Variants in GABRP observed in about 807,000 individuals in gnomAD.
GABRP encodes gamma-aminobutyric acid type A receptor subunit pi.
GABRP carries 52 observed loss-of-function variants against 47.8 expected under a neutral mutation model. That is an observed-to-expected ratio of 1.09 (90% CI 0.87 to 1.37). The LOEUF (loss-of-function observed/expected upper bound fraction) is 1.37, where lower values mean the gene tolerates loss of function less well. GABRP is among the 40% of genes most tolerant of loss of function. The pLI is 0.00. For synonymous variants in GABRP, 221 were observed against 205.8 expected (o/e 1.07, Z -0.63); for missense variants, 525 against 542.8 (o/e 0.97, Z 0.33).
intron 1 of GABRP, among the ~76,000 whole-genome samples, chr5:170,787,536 C>G (rs2127249023): frequency 6.6e-6 from 1 of 152,296 alleles, no homozygotes; most frequent in South Asian, 2.1e-4. Context: ...GGGACAAGGT[C>G]TAGGAGGTCA....
intron 5 of GABRP, among the ~76,000 whole-genome samples, chr5:170,796,289 ATAAT>A (rs1443932577): frequency 6.6e-6 from 1 of 152,240 alleles, no homozygotes; most frequent in Non-Finnish European, 1.5e-5. Context: ...CTCATGAAAC[ATAAT>A]TAGACTTCTC....
At chr5:170,810,024 C>G (rs1333456890) in intron 9 of GABRP, 33 of 698,722 alleles carry the variant, frequency 4.7e-5, no homozygotes, top group Middle Eastern at 2.4e-4. Flanking sequence ...ATCACAACCA[C>G]AGGAGCAAGC....
chr5:170,809,918 GC>G, intron 9 of GABRP, 163 bp downstream of exon 9: 1 of 725,176 alleles, frequency 1.4e-6, no homozygotes, highest in Non-Finnish European at 2.5e-6. Context: ...AAGTCATGGT[GC>G]CCCTTGAAAA....
At chr5:170,809,816 C>T (rs1765836363) in intron 9 of GABRP, 61 bp downstream of exon 9, 1 of 1,502,040 alleles carries the variant, frequency 6.7e-7, no homozygotes, top group Non-Finnish European at 9.1e-7. Context: ...GATCTGTAGA[C>T]ATGGGCTGGA....
chr5:170,784,608 G>A (rs1765081506), intron 1 of GABRP, among the ~76,000 whole-genome samples: 1 of 152,192 alleles, frequency 6.6e-6, no homozygotes, highest in South Asian at 2.1e-4. Flanking sequence ...ACTCTGAGTG[G>A]CACCTGGGGT....
chr5:170,796,994 G>A (rs1765446662), intron 5 of GABRP, among the ~76,000 whole-genome samples: 1 of 152,316 alleles, frequency 6.6e-6, no homozygotes, highest in East Asian at 1.9e-4. Flanking sequence ...CCCATGAGGA[G>A]GCAGGGCCTC....
Position 170,809,771 on chromosome 5 carries a change from G to A in GABRP, c.1020+16G>A, listed in dbSNP as rs1043776008. 3 of 1,574,140 alleles carry A rather than the reference G, an allele frequency of 1.9e-6. No homozygotes were observed. The highest frequency in any genetic ancestry group is 2.7e-5 in the African/African-American group (2 of 74,080). On this transcript the variant is annotated intron_variant, in intron 9 of 9. Coordinates refer to ENST00000265294, the MANE Select transcript of GABRP (RefSeq NM_014211.3). The stretch of plus-strand genomic sequence containing the variant: ...CAAAGATAGGGTAAGAGTCTTGAGG[G>A]CCCTGTGTATGATCCATCACTGGTG...
At chr5:170,808,501 A>G (rs1355187668) in intron 7 of GABRP, 99 bp from the exon 8 acceptor site, 13 of 1,003,500 alleles carry the variant, frequency 1.3e-5, no homozygotes, top group African/African-American at 4.8e-5. Flanking sequence ...ATTTAGATCA[A>G]TGACAGAGGG....
At chr5:170,796,309 A>G (rs2127256558) in intron 5 of GABRP, among the ~76,000 whole-genome samples, 1 of 152,214 alleles carries the variant, frequency 6.6e-6, no homozygotes, top group Middle Eastern at 3.4e-3. Flanking sequence ...TTCTCTTTTG[A>G]CCTCAATTCC....
chr5:170,800,305 C>T (rs1765556466), intron 6 of GABRP, among the ~76,000 whole-genome samples: 1 of 152,210 alleles, frequency 6.6e-6, no homozygotes. Context: ...AAAGCTGAAA[C>T]TGGATCCCTT....
chr5:170,794,375 CAAAAAAAAAAA>C, intron 4 of GABRP, 77 bp downstream of exon 4: 1 of 257,928 alleles, frequency 3.9e-6, no homozygotes, highest in Non-Finnish European at 6.6e-6. Context: ...TCTAGCCGCT[CAAAAAAAAAAA>C]AAAAAAAAAA....
intron 3 of GABRP, among the ~76,000 whole-genome samples, chr5:170,792,132 CT>C (rs1487512982): frequency 1.3e-5 from 2 of 152,192 alleles, no homozygotes; most frequent in Non-Finnish European, 2.9e-5. Context: ...TCTAGTAGCT[CT>C]GTTTTACAGG....
Position 170,812,647 on chromosome 5 carries a change from G to GT in GABRP, c.*395dup, listed in dbSNP as rs1243749579. On this transcript the variant is annotated 3_prime_UTR_variant, in exon 10 of 10. Coordinates refer to ENST00000265294, the MANE Select transcript of GABRP (RefSeq NM_014211.3). ...AGTTGTTTCTAAAGTAACTATACAT[G>GT]TTTTTTACTAAATCTCTGCAGTGCT... 1.7e-5 allele frequency: 3 copies of GT among 174,102 alleles called. No individual in the cohort carries two copies. Among genetic ancestry groups the GT allele is most frequent in the East Asian group, 2.9e-4 (2 of 6,944 alleles). The allele number at this position is 174,102 out of a possible 1,614,324, so 10.8% of individuals were successfully genotyped here.
intron 6 of GABRP, among the ~76,000 whole-genome samples, chr5:170,804,589 T>G (rs1765679683): frequency 6.6e-6 from 1 of 152,190 alleles, no homozygotes; most frequent in African/African-American, 2.4e-5. Context: ...TTGATTTGCA[T>G]TTCCCTAATG....
At chr5:170,805,958 C>A in intron 7 of GABRP, 105 bp downstream of exon 7, 2 of 1,277,636 alleles carry the variant, frequency 1.6e-6, no homozygotes, top group Non-Finnish European at 2.2e-6. Flanking sequence ...CCTTGGGATG[C>A]AGTGGAGCGG....
At position 170,813,335 on chromosome 5, in the gene GABRP, C is replaced by A. The variant is rs573268224; in HGVS notation, c.*1077C>A. The A allele has an allele frequency of 1.3e-5, 2 of 152,324 alleles. No individual in the cohort carries two copies. The highest frequency in any genetic ancestry group is 2.9e-5 in the Non-Finnish European group (2 of 68,054). The allele number at this position is 152,324 out of a possible 1,614,324, so 9.4% of individuals were successfully genotyped here. ...ATCAGGAATGATGCTTATTAGAAAA[C>A]AAACTGCTTGACCCAGGAACAAGTG... On this transcript the variant is annotated 3_prime_UTR_variant, in exon 10 of 10. Coordinates refer to ENST00000265294, the MANE Select transcript of GABRP (RefSeq NM_014211.3).
Position 170,809,501 on chromosome 5 carries a change from C to T in GABRP, c.833-67C>T. 3 of 1,512,020 alleles carry T rather than the reference C, an allele frequency of 2.0e-6. No individual in the cohort carries two copies. The South Asian group carries it at 3.4e-5, about 17-fold the overall frequency. The allele number at this position is 1,512,020 out of a possible 1,614,324, so 93.7% of individuals were successfully genotyped here. A position where few individuals can be genotyped will look rare whatever the true frequency, so the allele number is the denominator to read the frequency against. On this transcript the variant is annotated intron_variant, in intron 8 of 9. Transcript: ENST00000265294. ...CCCTGCCAATTCTCAAATGGGGACA[C>T]TCTGCCAGGCTATGGTGGAGGACTA...
Position 170,812,143 on chromosome 5 carries a change from T to C in GABRP, c.1208T>C (p.Val403Ala), listed in dbSNP as rs1476118615. 1.2e-6 allele frequency: 2 copies of C among 1,614,154 alleles called. No homozygotes were observed. The highest frequency in any genetic ancestry group is 1.7e-6 in the Non-Finnish European group (2 of 1,179,998). The change falls in exon 10 of 10, where the codon GTT becomes GCT. Residue 403 changes from valine (V) to alanine (A), a missense_variant. By Grantham distance (64) the Val-to-Ala change is moderately conservative. Transcript: ENST00000265294. Reference sequence around the variant, plus strand: ...TTCCGAGAAAAGATGGGCAGGATTGTTGATTATTTCACAATTCAAAACCCC... The same window carrying C: ...TTCCGAGAAAAGATGGGCAGGATTGCTGATTATTTCACAATTCAAAACCCC... ...FVFREKMGRI[V>A]DYFTIQNPSN...
chr5:170,801,855 TGGG>T (rs11286876), intron 6 of GABRP, among the ~76,000 whole-genome samples: 11 of 142,308 alleles, frequency 7.7e-5, no homozygotes, highest in South Asian at 2.4e-4. Context: ...TGAAAAGTAA[TGGG>T]GGGGGGGTCA....
Sources: allele counts gnomAD v4.1 joint callset (sites outside exome capture counted in the v4.1 genomes callset), GRCh38; gene constraint gnomAD v4.1.1; transcripts MANE v1.5; gene names NCBI Gene and HGNC (gene_info 2026-07-23, HGNC 2026-07-21).